The following GRM8 variants were observed in gnomAD, a reference collection of about 807,000 sequenced individuals.
GRM8 encodes metabotropic glutamate receptor 8.
In GRM8, 47 loss-of-function variants were observed where a neutral mutation model predicts 87.2. The observed-to-expected ratio is 0.54, with a 90% CI of 0.43 to 0.69. GRM8 has a LOEUF of 0.69. GRM8 is among the 30% of genes least tolerant of loss of function. The probability of loss-of-function intolerance (pLI) is 0.00; values close to 1 mark genes in which losing one functional copy is unlikely to be tolerated. For synonymous variants in GRM8, 396 were observed against 404.5 expected (o/e 0.98, Z 0.25); for missense variants, 1,019 against 1,139.2 (o/e 0.89, Z 1.52).
intron 6 of GRM8, among the ~76,000 whole-genome samples, chr7:126,828,207 C>T (rs1795009049): frequency 6.6e-6 from 1 of 152,112 alleles, no homozygotes; most frequent in South Asian, 2.1e-4. Flanking sequence ...GCTTTGGTAT[C>T]AGGATGATGC....
chr7:127,120,108 G>GA (rs1826945807), intron 2 of GRM8, among the ~76,000 whole-genome samples: 3 of 152,144 alleles, frequency 2.0e-5, no homozygotes, highest in Non-Finnish European at 4.4e-5. Flanking sequence ...TCAAGTCATA[G>GA]CTGGCCAATT....
chr7:126,914,314 G>A (rs527660135), intron 3 of GRM8, among the ~76,000 whole-genome samples: 3 of 152,316 alleles, frequency 2.0e-5, no homozygotes, highest in African/African-American at 7.2e-5. Context: ...CTTACACACT[G>A]TTGGTGGGAA....
At chr7:126,521,450 G>T (rs1283578931) in intron 9 of GRM8, among the ~76,000 whole-genome samples, 2 of 151,704 alleles carry the variant, frequency 1.3e-5, no homozygotes, top group South Asian at 4.2e-4. Flanking sequence ...CAATTAGTGT[G>T]GATGCTATTT....
At chr7:126,834,147 T>C (rs1024681568) in intron 6 of GRM8, among the ~76,000 whole-genome samples, 6 of 152,138 alleles carry the variant, frequency 3.9e-5, no homozygotes, top group African/African-American at 1.4e-4. Context: ...TGCTAGGTAA[T>C]ATAGATGTAC....
At chr7:126,970,475 A>G (rs1582257) in intron 3 of GRM8, among the ~76,000 whole-genome samples, 6,494 of 152,026 alleles carry the variant, frequency 0.043, 186 homozygotes, top group Non-Finnish European at 0.068. Context: ...CAGCTTCTTC[A>G]CCTCTCTCCC....
At chr7:126,468,164 T>C (rs1804726588) in intron 9 of GRM8, among the ~76,000 whole-genome samples, 1 of 152,100 alleles carries the variant, frequency 6.6e-6, no homozygotes. Context: ...AATTTCAATA[T>C]CTGCCCTTAT....
At chr7:127,245,657 A>T (rs966482370) in intron 1 of GRM8, among the ~76,000 whole-genome samples, 5 of 145,132 alleles carry the variant, frequency 3.4e-5, no homozygotes, top group Admixed American at 1.4e-4. Context: ...TTTAATTTTT[A>T]AAAAAAGATT....
intron 3 of GRM8, among the ~76,000 whole-genome samples, chr7:126,967,681 T>A (rs1810016097): frequency 6.6e-6 from 1 of 152,180 alleles, no homozygotes; most frequent in Non-Finnish European, 1.5e-5. Context: ...TTTTAAAATG[T>A]TCAATCACAT....
chr7:126,767,066 G>A (rs2151596013), intron 7 of GRM8, among the ~76,000 whole-genome samples: 1 of 152,258 alleles, frequency 6.6e-6, no homozygotes, highest in East Asian at 1.9e-4. Flanking sequence ...ACCAGCCAGG[G>A]CTATGCCAAT....
chr7:126,961,040 TC>T (rs1219951610), intron 3 of GRM8, among the ~76,000 whole-genome samples: 6 of 152,044 alleles, frequency 3.9e-5, no homozygotes, highest in African/African-American at 1.4e-4. Flanking sequence ...CAATTCTCCT[TC>T]TTCATTTTCA....
intron 7 of GRM8, among the ~76,000 whole-genome samples, chr7:126,765,724 T>C (rs1239826745): frequency 1.3e-5 from 2 of 152,116 alleles, no homozygotes; most frequent in Admixed American, 1.3e-4. Context: ...AAATAACATT[T>C]TGTTCAGATA....
chr7:126,466,047 T>C (rs2150535239), intron 9 of GRM8, among the ~76,000 whole-genome samples: 1 of 152,060 alleles, frequency 6.6e-6, no homozygotes, highest in South Asian at 2.1e-4. Flanking sequence ...TAAGTGAAGT[T>C]TAGTTAATTT....
At chr7:127,095,834 C>T (rs1325681607) in intron 3 of GRM8, 5 of 152,184 alleles carry the variant, frequency 3.3e-5, no homozygotes, top group Admixed American at 3.3e-4. Flanking sequence ...TTTGCATCTC[C>T]ACCTCCTCTG....
intron 8 of GRM8, among the ~76,000 whole-genome samples, chr7:126,535,235 T>C (rs1220394135): frequency 6.6e-6 from 1 of 152,112 alleles, no homozygotes; most frequent in Non-Finnish European, 1.5e-5. Context: ...GTGTAAACAA[T>C]AGTATATTCC....
chr7:126,620,751 C>T (rs932130654), intron 7 of GRM8, among the ~76,000 whole-genome samples: 2 of 152,148 alleles, frequency 1.3e-5, no homozygotes, highest in East Asian at 3.9e-4. Flanking sequence ...TGAACGCAAA[C>T]ACTCATCATC....
At chr7:126,622,349 C>T (rs183732416) in intron 7 of GRM8, among the ~76,000 whole-genome samples, 4 of 152,286 alleles carry the variant, frequency 2.6e-5, no homozygotes, top group East Asian at 1.9e-4. Flanking sequence ...ATTTCCCCCT[C>T]GCTTCTAGGT....
In GRM8 at chr7:127,196,534, CA is replaced by C. The variant is rs568593813; in HGVS notation, c.510+46160del. On this transcript the variant is annotated intron_variant, in intron 2 of 10. Transcript: ENST00000339582. ...TCCATCTCAAAAACAAACAAACAAACAAAAAAAAAAACAAGCAAAAAACCAC... is the reference window on the plus strand; with the variant it reads ...TCCATCTCAAAAACAAACAAACAAACAAAAAAAAAACAAGCAAAAAACCAC... Among the ~76,000 whole-genome samples the C allele has an allele frequency of 3.8e-3, 549 of 144,638 alleles. 4 individuals carry two copies. In the South Asian group the frequency reaches 0.039, roughly 10 times the overall value. 94.9% of individuals were successfully genotyped at this position (144,638 alleles called of 152,430 possible).
intron 9 of GRM8, among the ~76,000 whole-genome samples, chr7:126,526,519 A>G (rs980996126): frequency 2.0e-5 from 3 of 152,214 alleles, no homozygotes; most frequent in Non-Finnish European, 4.4e-5. Flanking sequence ...TTTCAATTGA[A>G]AAATACCACA....
intron 7 of GRM8, among the ~76,000 whole-genome samples, chr7:126,635,409 T>C (rs971419937): frequency 6.6e-6 from 1 of 152,144 alleles, no homozygotes; most frequent in African/African-American, 2.4e-5. Flanking sequence ...CAACTAACTC[T>C]AAAAATATAT....
Sources: gnomAD v4.1 joint callset for allele counts (sites outside exome capture counted in the v4.1 genomes callset) on GRCh38, gnomAD v4.1.1 for gene constraint, MANE v1.5 for transcripts, NCBI Gene and HGNC (gene_info 2026-07-23, HGNC 2026-07-21) for gene names.